Variants in NIBAN1 observed in about 807,000 individuals in gnomAD.
NIBAN1 encodes the protein protein Niban 1.
Under a neutral mutation model 75.1 loss-of-function variants are expected in NIBAN1, and 81 were observed. That is an observed-to-expected ratio of 1.08 (90% CI 0.90 to 1.30). NIBAN1 has a LOEUF of 1.30. NIBAN1 is among the 50% of genes most tolerant of loss of function. NIBAN1 has a pLI of 0.00. For missense variants in NIBAN1, 1,133 were observed against 1,128.1 expected (o/e 1.00, Z -0.06); for synonymous variants, 436 against 424.8 (o/e 1.03, Z -0.32).
chr1:184,864,673 T>A (rs1242397006), intron 5 of NIBAN1, among the ~76,000 whole-genome samples: 3 of 152,004 alleles, frequency 2.0e-5, no homozygotes, highest in Non-Finnish European at 2.9e-5. Context: ...AAAAATAATA[T>A]TTTATTCACA....
chr1:184,967,162 G>C (rs566170370), intron 1 of NIBAN1, among the ~76,000 whole-genome samples: 95 of 151,924 alleles, frequency 6.3e-4, no homozygotes, highest in African/African-American at 2.2e-3. Context: ...AATCTGTATT[G>C]CATTTGGGGT....
chr1:184,937,239 T>C (rs1369517937), intron 1 of NIBAN1, among the ~76,000 whole-genome samples: 1 of 145,914 alleles, frequency 6.9e-6, no homozygotes, highest in Admixed American at 7.0e-5. Context: ...CACAGTGTAC[T>C]ACAACCTTTA....
At chr1:184,880,607 T>G (rs1276407867) in intron 5 of NIBAN1, among the ~76,000 whole-genome samples, 1 of 152,192 alleles carries the variant, frequency 6.6e-6, no homozygotes, top group East Asian at 1.9e-4. Flanking sequence ...GGAACACTTT[T>G]TCTTCTTCCT....
At chr1:184,932,927 A>G (rs1571584770) in intron 1 of NIBAN1, among the ~76,000 whole-genome samples, 1 of 152,218 alleles carries the variant, frequency 6.6e-6, no homozygotes, top group Non-Finnish European at 1.5e-5. Context: ...GACAAAAAAG[A>G]GAAACACGAC....
rs1276672692 is a variant in NIBAN1, at chr1:184,794,821, A to T, written c.*156T>A. Reference sequence around the variant, plus strand: ...ATTCATGTCCACAAAGGTTTGCCTCAGTTGCTCATGCCCTGTATGCATTTC... The same window carrying T: ...ATTCATGTCCACAAAGGTTTGCCTCTGTTGCTCATGCCCTGTATGCATTTC... On this transcript the variant is annotated 3_prime_UTR_variant, in exon 14 of 14. Transcript: ENST00000367511. 2.2e-6 allele frequency: 2 copies of T among 916,492 alleles called. No individual in the cohort carries two copies. Among genetic ancestry groups the T allele is most frequent in the Non-Finnish European group, 3.4e-6 (2 of 588,342 alleles). The allele number at this position is 916,492 out of a possible 1,614,324, so 56.8% of individuals were successfully genotyped here.
chr1:184,931,192 G>C (rs1382674300), intron 1 of NIBAN1, among the ~76,000 whole-genome samples: 3 of 151,952 alleles, frequency 2.0e-5, no homozygotes, highest in African/African-American at 7.3e-5. Context: ...TAGAGACGGG[G>C]TTTCACCATG....
intron 5 of NIBAN1, among the ~76,000 whole-genome samples, chr1:184,881,456 C>A (rs1417719672): frequency 6.6e-6 from 1 of 152,096 alleles, no homozygotes; most frequent in Admixed American, 6.6e-5. Context: ...GAACCCCAAG[C>A]GAGATCAACA....
intron 5 of NIBAN1, among the ~76,000 whole-genome samples, chr1:184,881,153 A>C (rs184955768): frequency 1.3e-5 from 2 of 152,256 alleles, no homozygotes; most frequent in African/African-American, 4.8e-5. Context: ...AGGATACAAA[A>C]TAATCTTTGA....
At position 184,794,812 on chromosome 1, in the gene NIBAN1, G is replaced by T. The variant is rs192359107; in HGVS notation, c.*165C>A. ...CGTAGAACAATTCATGTCCACAAAG[G>T]TTTGCCTCAGTTGCTCATGCCCTGT... On this transcript the variant is annotated 3_prime_UTR_variant, in exon 14 of 14. Transcript: ENST00000367511. 2.4e-6 allele frequency: 2 copies of T among 827,762 alleles called. No homozygotes were observed. Among genetic ancestry groups the T allele is most frequent in the Non-Finnish European group, 3.9e-6 (2 of 511,362 alleles). The allele number at this position is 827,762 out of a possible 1,614,324, so 51.3% of individuals were successfully genotyped here.
intron 5 of NIBAN1, among the ~76,000 whole-genome samples, chr1:184,876,543 C>CA (rs1034612111): frequency 6.0e-5 from 9 of 150,976 alleles, no homozygotes; most frequent in East Asian, 1.9e-4. Context: ...TCTAAAAATG[C>CA]AAAAAAAATT....
chr1:184,972,173 C>T (rs1450998505), intron 1 of NIBAN1, among the ~76,000 whole-genome samples: 2 of 152,220 alleles, frequency 1.3e-5, no homozygotes, highest in Non-Finnish European at 2.9e-5. Context: ...GTTATTGTCT[C>T]AGCTTCAGGA....
chr1:184,949,236 T>C (rs1228542931), intron 1 of NIBAN1, among the ~76,000 whole-genome samples: 1 of 152,160 alleles, frequency 6.6e-6, no homozygotes, highest in African/African-American at 2.4e-5. Flanking sequence ...CGGGCGCCTA[T>C]AGTCCCAGCT....
chr1:184,818,074 G>T (rs2102214578), intron 9 of NIBAN1, among the ~76,000 whole-genome samples: 1 of 152,214 alleles, frequency 6.6e-6, no homozygotes, highest in South Asian at 2.1e-4. Flanking sequence ...TCTAGGGGCT[G>T]CCCGATTCAC....
At chr1:184,897,277 A>T (rs1451639944) in intron 2 of NIBAN1, among the ~76,000 whole-genome samples, 4 of 132,684 alleles carry the variant, frequency 3.0e-5, no homozygotes, top group African/African-American at 8.3e-5. Context: ...TGTACTCCTA[A>T]GTGTGTGTGT....
intron 1 of NIBAN1, among the ~76,000 whole-genome samples, chr1:184,902,591 T>C (rs1344692068): frequency 6.6e-6 from 1 of 152,166 alleles, no homozygotes; most frequent in Non-Finnish European, 1.5e-5. Flanking sequence ...GCCGGCTGTT[T>C]ACTGTAACTC....
intron 4 of NIBAN1, chr1:184,888,062 A>T (rs1331056843): frequency 6.6e-6 from 1 of 152,224 alleles, no homozygotes; most frequent in African/African-American, 2.4e-5. Context: ...AGTGGCATGT[A>T]GCTGTGGTCC....
chr1:184,814,183 G>A (rs1654462994), intron 9 of NIBAN1, among the ~76,000 whole-genome samples: 1 of 152,092 alleles, frequency 6.6e-6, no homozygotes, highest in Non-Finnish European at 1.5e-5. Context: ...GAATATATTG[G>A]CTAAATAAAA....
At chr1:184,823,837 C>A in intron 6 of NIBAN1, 95 bp from the exon 7 acceptor site, 2 of 998,466 alleles carry the variant, frequency 2.0e-6, no homozygotes, top group South Asian at 2.7e-5. Context: ...CTGTCCCTGT[C>A]CCGGACCAGA....
At chr1:184,932,342 G>C (rs1217820793) in intron 1 of NIBAN1, among the ~76,000 whole-genome samples, 1 of 152,106 alleles carries the variant, frequency 6.6e-6, no homozygotes, top group Non-Finnish European at 1.5e-5. Context: ...GCAACTAGAC[G>C]GTCCCATCTG....
Sources: gnomAD v4.1 joint callset for allele counts (sites outside exome capture counted in the v4.1 genomes callset) on GRCh38, gnomAD v4.1.1 for gene constraint, MANE v1.5 for transcripts, NCBI Gene and HGNC (gene_info 2026-07-23, HGNC 2026-07-21) for gene names.